The following EXOC6B variants were observed in gnomAD, a reference collection of about 807,000 sequenced individuals.
EXOC6B encodes SEC15 homolog B.
In EXOC6B, 54 loss-of-function variants were observed where a neutral mutation model predicts 113.5. That is an observed-to-expected ratio of 0.48 (90% CI 0.38 to 0.60). The LOEUF (loss-of-function observed/expected upper bound fraction) is 0.60. Among genes scored for constraint, EXOC6B ranks in the 20% least tolerant of loss-of-function variants. EXOC6B has a pLI of 0.00. For missense variants in EXOC6B, 797 were observed against 977.5 expected, an observed-to-expected ratio of 0.82 and a Z score of 2.46; for synonymous variants, 357 against 339.0, an observed-to-expected ratio of 1.05 and a Z score of -0.58.
chr2:72,654,467 C>T (rs1480534800), intron 6 of EXOC6B, among the ~76,000 whole-genome samples: 2 of 152,136 alleles, frequency 1.3e-5, no homozygotes, highest in Non-Finnish European at 2.9e-5. Flanking sequence ...ACAATCACTT[C>T]GTGTTGCAGA....
chr2:72,187,540 A>C (rs1678517779), intron 20 of EXOC6B, among the ~76,000 whole-genome samples: 1 of 152,122 alleles, frequency 6.6e-6, no homozygotes, highest in Non-Finnish European at 1.5e-5. Context: ...GCAAGTATTC[A>C]GCTTCTAGCA....
chr2:72,573,689 TTAAC>T (rs1015344648), intron 7 of EXOC6B, among the ~76,000 whole-genome samples: 23 of 152,358 alleles, frequency 1.5e-4, no homozygotes, highest in African/African-American at 5.3e-4. Flanking sequence ...TCAAGCATTA[TTAAC>T]TATTAATGTA....
At chr2:72,469,586 T>C (rs529431380) in intron 17 of EXOC6B, among the ~76,000 whole-genome samples, 1 of 152,122 alleles carries the variant, frequency 6.6e-6, no homozygotes, top group Non-Finnish European at 1.5e-5. Flanking sequence ...CCAAATAATT[T>C]GACATTTTCT....
chr2:72,299,612 A>T (rs1302461134), intron 20 of EXOC6B, among the ~76,000 whole-genome samples: 1 of 151,988 alleles, frequency 6.6e-6, no homozygotes, highest in Non-Finnish European at 1.5e-5. Context: ...GGAGGAGAAG[A>T]GGTGTTCTGG....
intron 5 of EXOC6B, among the ~76,000 whole-genome samples, chr2:72,718,830 A>G (rs1346270338): frequency 6.6e-6 from 1 of 152,204 alleles, no homozygotes; most frequent in Non-Finnish European, 1.5e-5. Context: ...TAGAGGACGA[A>G]GTGAGACTCA....
chr2:72,811,212 A>C (rs939481171), intron 1 of EXOC6B, among the ~76,000 whole-genome samples: 1 of 152,134 alleles, frequency 6.6e-6, no homozygotes, highest in African/African-American at 2.4e-5. Context: ...TCAGGAGGCT[A>C]ACACATGAGA....
intron 6 of EXOC6B, among the ~76,000 whole-genome samples, chr2:72,651,240 T>C (rs1406516083): frequency 1.3e-5 from 2 of 152,234 alleles, no homozygotes; most frequent in Non-Finnish European, 2.9e-5. Context: ...TGTTAGGAAA[T>C]GGTAGAGCCA....
chr2:72,795,810 A>G (rs887024953), intron 1 of EXOC6B, among the ~76,000 whole-genome samples: 4 of 151,980 alleles, frequency 2.6e-5, no homozygotes, highest in Non-Finnish European at 5.9e-5. Flanking sequence ...CATTATAATC[A>G]CAAGTGTTTT....
chr2:72,767,075 G>C (rs1184518647), intron 1 of EXOC6B, among the ~76,000 whole-genome samples: 1 of 151,526 alleles, frequency 6.6e-6, no homozygotes, highest in Non-Finnish European at 1.5e-5. Context: ...ACCATCAAAA[G>C]CCCTCAGCCA....
intron 1 of EXOC6B, among the ~76,000 whole-genome samples, chr2:72,764,648 G>A (rs1232255683): frequency 6.6e-6 from 1 of 151,994 alleles, no homozygotes; most frequent in African/African-American, 2.4e-5. Flanking sequence ...TGACAGGCAT[G>A]AGCCACCGTG....
At chr2:72,704,703 T>C (rs1285859776) in intron 6 of EXOC6B, among the ~76,000 whole-genome samples, 2 of 151,220 alleles carry the variant, frequency 1.3e-5, no homozygotes, top group African/African-American at 4.8e-5. Flanking sequence ...CAAACACCTC[T>C]ACGCAAATAA....
chr2:72,664,448 A>G (rs1264047700), intron 6 of EXOC6B, among the ~76,000 whole-genome samples: 1 of 152,016 alleles, frequency 6.6e-6, no homozygotes, highest in African/African-American at 2.4e-5. Context: ...TTGCCACGAA[A>G]CTCTGGGATC....
chr2:72,338,685 A>C (rs1164419226), intron 19 of EXOC6B, among the ~76,000 whole-genome samples: 2 of 152,120 alleles, frequency 1.3e-5, no homozygotes, highest in African/African-American at 4.8e-5. Flanking sequence ...AGAAAATGTG[A>C]ATATTTTTTA....
chr2:72,245,210 T>G (rs1372435366), intron 20 of EXOC6B, among the ~76,000 whole-genome samples: 1 of 152,186 alleles, frequency 6.6e-6, no homozygotes, highest in African/African-American at 2.4e-5. Flanking sequence ...GTCAGAAGAT[T>G]GACACTACCT....
intron 18 of EXOC6B, among the ~76,000 whole-genome samples, chr2:72,460,253 C>T (rs981554062): frequency 7.1e-6 from 1 of 140,918 alleles, no homozygotes; most frequent in Non-Finnish European, 1.5e-5. Flanking sequence ...CATAAAAACC[C>T]TAGAAGAAAA....
At chr2:72,732,854 G>T (rs1245247285) in intron 3 of EXOC6B, among the ~76,000 whole-genome samples, 1 of 152,140 alleles carries the variant, frequency 6.6e-6, no homozygotes, top group African/African-American at 2.4e-5. Context: ...ACAAGTCGAT[G>T]ATTTAAAAGC....
At chr2:72,709,981 A>C (rs1679169116) in intron 6 of EXOC6B, among the ~76,000 whole-genome samples, 1 of 152,230 alleles carries the variant, frequency 6.6e-6, no homozygotes, top group African/African-American at 2.4e-5. Flanking sequence ...AAATAAGTTT[A>C]TTTAAAAATA....
intron 6 of EXOC6B, among the ~76,000 whole-genome samples, chr2:72,612,397 G>A (rs1168598964): frequency 6.6e-6 from 1 of 152,088 alleles, no homozygotes; most frequent in African/African-American, 2.4e-5. Context: ...TATCCTAAGT[G>A]AGGCAGATGC....
intron 8 of EXOC6B, among the ~76,000 whole-genome samples, chr2:72,542,478 A>C (rs2105793837): frequency 6.6e-6 from 1 of 152,324 alleles, no homozygotes; most frequent in Admixed American, 6.5e-5. Flanking sequence ...AATCTGAAAA[A>C]GTAAAGAATC....
Sources: gnomAD v4.1 joint callset for allele counts (sites outside exome capture counted in the v4.1 genomes callset) on GRCh38, gnomAD v4.1.1 for gene constraint, MANE v1.5 for transcripts, NCBI Gene and HGNC (gene_info 2026-07-23, HGNC 2026-07-21) for gene names.